The following SENP5 variants were observed in gnomAD, a reference collection of about 807,000 sequenced individuals.
SENP5 encodes sentrin-specific protease 5.
A neutral mutation model predicts 74.2 loss-of-function variants in SENP5; 21 were observed. The observed-to-expected ratio is 0.28, with a 90% CI of 0.20 to 0.41. The LOEUF is 0.41. Ranked by LOEUF, SENP5 falls within the 10% of genes least tolerant of loss-of-function variation. The pLI is 1.00. For missense variants in SENP5, 717 were observed against 889.1 expected (o/e 0.81, Z 2.46); for synonymous variants, 311 against 312.7 (o/e 0.99, Z 0.06).
At chr3:196,909,403 G>T (rs7630977) in intron 6 of SENP5, among the ~76,000 whole-genome samples, 29,312 of 152,152 alleles carry the variant, frequency 0.19, 3,721 homozygotes, top group South Asian at 0.37. Context: ...CTCCTCCCTA[G>T]CTCATTTTAT....
intron 2 of SENP5, among the ~76,000 whole-genome samples, chr3:196,896,948 A>T (rs777201405): frequency 2.0e-5 from 3 of 152,192 alleles, no homozygotes; most frequent in Non-Finnish European, 4.4e-5. Context: ...GGGCATTTCT[A>T]CCGAATAAGA....
rs771368816 is a variant in SENP5 at position 196,885,747 on chromosome 3, A to G, written c.566A>G (p.Asn189Ser). The G allele has an allele frequency of 2.5e-6, 4 of 1,614,212 alleles. No homozygotes were observed. Among genetic ancestry groups the G allele is most frequent in the Non-Finnish European group, 3.4e-6 (4 of 1,180,032 alleles). ...GGCACGATTGTGGTCACCTTGAACA[A>G]CCATAAGAGAAAGGGCTTTTGTTAC... Reference protein sequence around the residue: ...ESGTIVVTLNNHKRKGFCYGC... With the variant: ...ESGTIVVTLNSHKRKGFCYGC... The change falls in exon 2 of 10, where the codon AAC becomes AGC. Residue 189 changes from asparagine to serine, a missense_variant. Physicochemically the swap from Asn to Ser is conservative, Grantham distance 46 (BLOSUM62 1). Transcript: ENST00000323460.
intron 6 of SENP5, among the ~76,000 whole-genome samples, chr3:196,922,805 T>C (rs181338321): frequency 4.6e-5 from 7 of 152,274 alleles, no homozygotes; most frequent in Non-Finnish European, 8.8e-5. Context: ...TATTTTTTTG[T>C]AGATACAGTG....
In SENP5 at chr3:196,885,621, G is replaced by A; in HGVS notation, c.440G>A (p.Ser147Asn). The A allele has an allele frequency of 6.2e-7, 1 of 1,614,190 alleles. No individual in the cohort carries two copies. ...GCAGTTACTGACTTTCCATCAAATAGTGCTTTAGGTCAGGCCAATGGTCAC... is the reference window on the plus strand; with the variant it reads ...GCAGTTACTGACTTTCCATCAAATAATGCTTTAGGTCAGGCCAATGGTCAC... ...LKAVTDFPSN[S>N]ALGQANGHRP... Residue 147 changes from serine (S) to asparagine (N), a missense_variant, in exon 2 of 10, where the codon AGT (serine) becomes AAT (asparagine). Transcript: ENST00000323460.
At chr3:196,895,123 C>G (rs1453754441) in intron 2 of SENP5, among the ~76,000 whole-genome samples, 1 of 152,050 alleles carries the variant, frequency 6.6e-6, no homozygotes, top group Admixed American at 6.6e-5. Flanking sequence ...GAATGTGACC[C>G]AGGTCAGTTG....
chr3:196,875,653 C>A (rs763955748), intron 1 of SENP5, among the ~76,000 whole-genome samples: 2 of 152,176 alleles, frequency 1.3e-5, no homozygotes, highest in Non-Finnish European at 2.9e-5. Context: ...AAAATAATTT[C>A]TTCAGAGAGG....
chr3:196,902,992 T>C (rs1424953901), intron 5 of SENP5, among the ~76,000 whole-genome samples: 1 of 152,198 alleles, frequency 6.6e-6, no homozygotes, highest in Non-Finnish European at 1.5e-5. Flanking sequence ...TCAGGTTGCT[T>C]CTCTACTTGA....
chr3:196,899,564 T>A, intron 2 of SENP5, 102 bp from the exon 3 acceptor site: 1 of 688,912 alleles, frequency 1.5e-6, no homozygotes, highest in Non-Finnish European at 2.6e-6. Flanking sequence ...GGTTAACCAC[T>A]GTATGTGTTA....
At chr3:196,927,951 G>A in intron 8 of SENP5, 72 bp downstream of exon 8, 1 of 970,382 alleles carries the variant, frequency 1.0e-6, no homozygotes, top group Non-Finnish European at 1.6e-6. Context: ...GTGCCTTTAA[G>A]AGCATTTGAA....
At chr3:196,927,679 A>T in intron 7 of SENP5, 117 bp from the exon 8 acceptor site, 1 of 576,702 alleles carries the variant, frequency 1.7e-6, no homozygotes. Flanking sequence ...CTTAATGCAT[A>T]TTCTGCCCAG....
chr3:196,929,462 T>A, intron 8 of SENP5, 171 bp from the exon 9 acceptor site: 2 of 533,484 alleles, frequency 3.7e-6, no homozygotes, highest in South Asian at 5.4e-5. Flanking sequence ...TAGCTCTTTT[T>A]ATGTGGCCAG....
chr3:196,882,033 A>G (rs1323409299), intron 1 of SENP5, among the ~76,000 whole-genome samples: 1 of 150,914 alleles, frequency 6.6e-6, no homozygotes, highest in Non-Finnish European at 1.5e-5. Flanking sequence ...AGTAGCTGGG[A>G]TTACAAGCAC....
chr3:196,873,943 T>A, intron 1 of SENP5, among the ~76,000 whole-genome samples: 1 of 151,986 alleles, frequency 6.6e-6, no homozygotes, highest in East Asian at 2.0e-4. Context: ...CCTCAAAGGA[T>A]CCTTCTGCCT....
chr3:196,895,580 G>C (rs1714410337), intron 2 of SENP5, among the ~76,000 whole-genome samples: 1 of 151,122 alleles, frequency 6.6e-6, no homozygotes, highest in South Asian at 2.1e-4. Flanking sequence ...GGAGTGCCGT[G>C]GTGGGATCTT....
intron 1 of SENP5, among the ~76,000 whole-genome samples, chr3:196,878,918 G>A (rs117438936): frequency 6.6e-6 from 1 of 152,276 alleles, no homozygotes; most frequent in East Asian, 1.9e-4. Flanking sequence ...AATGTAACTT[G>A]TGATTACTTA....
In SENP5 at chr3:196,886,303, C is replaced by T. The variant is rs2108818191; in HGVS notation, c.1122C>T (p.Asp374=). Residue 374 remains aspartate (D), a synonymous_variant, in exon 2 of 10, where the codon GAC becomes GAT. Transcript: ENST00000323460. ...PKWECTELIH[D]IPLPEHRSNT... is the part of the protein sequence containing the mutation. ...GGGAGTGTACAGAGCTGATTCATGACATCCCCTTACCAGAACATCGTTCTA... is the reference window on the plus strand; with the variant it reads ...GGGAGTGTACAGAGCTGATTCATGATATCCCCTTACCAGAACATCGTTCTA... The T allele has an allele frequency of 2.5e-6, 4 of 1,614,090 alleles. No homozygotes were observed. Among genetic ancestry groups the T allele is most frequent in the Middle Eastern group, 1.7e-4 (1 of 6,060 alleles).
At chr3:196,874,782 G>A (rs1011322583) in intron 1 of SENP5, among the ~76,000 whole-genome samples, 3 of 152,138 alleles carry the variant, frequency 2.0e-5, no homozygotes, top group Non-Finnish European at 2.9e-5. Context: ...GGGAGCCTGA[G>A]GCAGGAGAAT....
chr3:196,876,626 G>A lies in SENP5; in HGVS notation c.-31-8525G>A, dbSNP rs118015033. ...CAAAGTCAGATAGATGTGATGGCTCGTGTCTATAATCTCAGCTCTTTCGGT... is the reference window on the plus strand; with the variant it reads ...CAAAGTCAGATAGATGTGATGGCTCATGTCTATAATCTCAGCTCTTTCGGT... On this transcript the variant is annotated intron_variant, in intron 1 of 9. Transcript: ENST00000323460. Among the ~76,000 whole-genome samples the A allele has an allele frequency of 4.4e-3, 672 of 151,172 alleles. 32 individuals are homozygous for A. In the East Asian group the frequency reaches 0.12, roughly 27 times the overall value.
At chr3:196,926,877 CAT>C (rs1715834125) in intron 7 of SENP5, among the ~76,000 whole-genome samples, 1 of 152,050 alleles carries the variant, frequency 6.6e-6, no homozygotes, top group African/African-American at 2.4e-5. Flanking sequence ...GACCTCACCT[CAT>C]GTGATCCACC....
Sources: allele counts gnomAD v4.1 joint callset (sites outside exome capture counted in the v4.1 genomes callset), GRCh38; gene constraint gnomAD v4.1.1; transcripts MANE v1.5; gene names NCBI Gene and HGNC (gene_info 2026-07-23, HGNC 2026-07-21).